PTGFRN: variants seen among roughly 807,000 people sequenced by gnomAD.
PTGFRN encodes the protein prostaglandin F2 receptor inhibitor, also known as prostaglandin F2 receptor negative regulator.
Under a neutral mutation model 83.2 loss-of-function variants are expected in PTGFRN, and 35 were observed. That is an observed-to-expected ratio of 0.42 (90% confidence interval 0.32 to 0.56). The LOEUF is 0.56. PTGFRN is among the 20% of genes least tolerant of loss of function. The pLI is 0.11. For missense variants in PTGFRN, 1,051 were observed against 1,179.5 expected, an observed-to-expected ratio of 0.89 and a Z score of 1.60; for synonymous variants, 519 against 498.6, an observed-to-expected ratio of 1.04 and a Z score of -0.55.
At chr1:116,924,943 G>A (rs982182772) in intron 1 of PTGFRN, among the ~76,000 whole-genome samples, 9 of 152,150 alleles carry the variant, frequency 5.9e-5, no homozygotes, top group Admixed American at 2.6e-4. Context: ...CCAGGTGATC[G>A]TGGTGGCAAG....
In PTGFRN at chr1:116,910,109, G is replaced by A. The variant is rs1470992064; in HGVS notation, c.-95G>A. 2.2e-6 allele frequency: 3 copies of A among 1,368,548 alleles called. No individual in the cohort carries two copies. Among genetic ancestry groups the A allele is most frequent in the South Asian group, 2.5e-5 (2 of 80,364 alleles). 84.8% of individuals were successfully genotyped at this position (1,368,548 alleles called of 1,614,324 possible). ...GCAGGCGCGCGGCCCAGGCGGAGGAGCGCCGACTCTGGAGCAGCCGGAGCT... is the reference window on the plus strand; with the variant it reads ...GCAGGCGCGCGGCCCAGGCGGAGGAACGCCGACTCTGGAGCAGCCGGAGCT... On this transcript the variant is annotated 5_prime_UTR_variant, in exon 1 of 9. Coordinates refer to ENST00000393203, the MANE Select transcript of PTGFRN (RefSeq NM_020440.4).
Position 116,949,385 on chromosome 1 carries a change from C to G in PTGFRN, c.1026C>G (p.Ser342Arg). The G allele has an allele frequency of 6.2e-6, 10 of 1,614,250 alleles. No individual in the cohort carries two copies. Among genetic ancestry groups the G allele is most frequent in the Non-Finnish European group, 8.5e-6 (10 of 1,180,040 alleles). ...TTGACCGTGATTCCCTGGTGCACAG[C>G]TCGCCTCATGTTGCTTTGAGTCATG... ...ARLDRDSLVH[S>R]SPHVALSHVD... Residue 342 changes from serine (S) to arginine (R), a missense_variant, in exon 4 of 9, where the codon AGC becomes AGG. This residue lies in a region of PTGFRN where 719 missense variants were observed against 836.6 expected (regional missense o/e 0.86). Transcript: ENST00000393203.
chr1:116,978,519 A>C (rs1651223030), intron 7 of PTGFRN, among the ~76,000 whole-genome samples: 4 of 151,712 alleles, frequency 2.6e-5, no homozygotes, highest in Admixed American at 2.6e-4. Flanking sequence ...AAAGGCTTAT[A>C]CACCATGATC....
Position 116,959,308 on chromosome 1 carries a change from C to T in PTGFRN, c.1214-1935C>T, listed in dbSNP as rs548945800. ...TGGATTCCTCTCTAGCCCTGGCAGT[C>T]CCACAGCCTGTGGATTTCTCTATGG... On this transcript the variant is annotated intron_variant, in intron 4 of 8. Coordinates refer to ENST00000393203, the MANE Select transcript of PTGFRN (RefSeq NM_020440.4). 2.0e-5 allele frequency among the ~76,000 whole-genome samples: 3 copies of T among 152,266 alleles called. No individual in the cohort carries two copies. The South Asian group carries it at 6.2e-4, about 32-fold the overall frequency.
chr1:116,930,348 CT>C (rs1379718975), intron 1 of PTGFRN, among the ~76,000 whole-genome samples: 9 of 152,132 alleles, frequency 5.9e-5, no homozygotes, highest in African/African-American at 2.2e-4. Context: ...TAGGACTTTG[CT>C]GTGGTTTTGT....
chr1:116,943,271 A>T (rs1013466702), intron 2 of PTGFRN, among the ~76,000 whole-genome samples: 16 of 152,194 alleles, frequency 1.1e-4, no homozygotes, highest in Non-Finnish European at 2.2e-4. Flanking sequence ...TCCTATAGAA[A>T]ATTCAGAACA....
At chr1:116,914,230 A>G (rs1649343094) in intron 1 of PTGFRN, among the ~76,000 whole-genome samples, 1 of 152,176 alleles carries the variant, frequency 6.6e-6, no homozygotes, top group East Asian at 1.9e-4. Context: ...GCCCCTACAA[A>G]GGAGGAAAGA....
chr1:116,945,653 G>A (rs1435318951), intron 3 of PTGFRN, among the ~76,000 whole-genome samples: 1 of 151,882 alleles, frequency 6.6e-6, no homozygotes, highest in Admixed American at 6.6e-5. Flanking sequence ...GGGCAGGGCC[G>A]CTTCTTGCTT....
chr1:116,986,998 G>A lies in PTGFRN; in HGVS notation c.*31G>A, dbSNP rs201831823. On this transcript the variant is annotated 3_prime_UTR_variant, in exon 9 of 9. Transcript: ENST00000393203. ...CCCGGGAGGGGAGTGACAGAGGGAC[G>A]TTCTAGGAGCAATTGGGGCAAGAAG... is the stretch of plus-strand genomic sequence containing the variant. The A allele has an allele frequency of 1.1e-5, 18 of 1,612,574 alleles. No individual in the cohort carries two copies. Among genetic ancestry groups the A allele is most frequent in the East Asian group, 2.2e-5 (1 of 44,864 alleles).
chr1:116,976,253 T>C (rs1199678258), intron 7 of PTGFRN, among the ~76,000 whole-genome samples: 4 of 152,200 alleles, frequency 2.6e-5, no homozygotes, highest in Non-Finnish European at 5.9e-5. Context: ...CTGATTGGTG[T>C]ACCTGAAAGT....
chr1:116,965,324 A>G (rs1289448402), intron 5 of PTGFRN, among the ~76,000 whole-genome samples: 1 of 151,914 alleles, frequency 6.6e-6, no homozygotes, highest in Non-Finnish European at 1.5e-5. Context: ...TTGCTCTCTC[A>G]CCCAGGCTCT....
intron 1 of PTGFRN, among the ~76,000 whole-genome samples, chr1:116,924,741 T>A (rs1649613888): frequency 3.3e-5 from 5 of 152,230 alleles, no homozygotes. Flanking sequence ...TTTCTGAAAT[T>A]AATGAGATTA....
At chr1:116,937,171 A>AGGAAATGTGCAAGGG (rs764219839) in intron 1 of PTGFRN, among the ~76,000 whole-genome samples, 39 of 151,856 alleles carry the variant, frequency 2.6e-4, no homozygotes, top group Non-Finnish European at 5.3e-4. Context: ...AGTAGGTGAA[A>AGGAAATGTGCAAGGG]CCTTGGGAGC....
intron 1 of PTGFRN, among the ~76,000 whole-genome samples, chr1:116,939,883 G>A (rs955688287): frequency 1.3e-5 from 2 of 152,132 alleles, no homozygotes; most frequent in African/African-American, 4.8e-5. Context: ...GGTCTCTAGG[G>A]CAGGGGCAAA....
At position 116,918,267 on chromosome 1, in the gene PTGFRN, C is replaced by T. The variant is rs990762090; in HGVS notation, c.49+8015C>T. On this transcript the variant is annotated intron_variant, in intron 1 of 8. Coordinates refer to ENST00000393203, the MANE Select transcript of PTGFRN (RefSeq NM_020440.4). This position sits in a 1 kb window ranked among gnomAD's most constrained non-coding sequence, Gnocchi z 4.1. ...CTTTCATTTGAATCCTGTCTTCCCT[C>T]AGTGTGAACCTTGGACAGGTTTTCT... 2.0e-5 allele frequency among the ~76,000 whole-genome samples: 3 copies of T among 152,218 alleles called. No homozygotes were observed. The highest frequency in any genetic ancestry group is 6.5e-5 in the Admixed American group (1 of 15,284).
chr1:116,948,350 A>C (rs1441891680), intron 3 of PTGFRN, among the ~76,000 whole-genome samples: 1 of 152,222 alleles, frequency 6.6e-6, no homozygotes, highest in African/African-American at 2.4e-5. Flanking sequence ...TCAGTGCTTC[A>C]TCTAAATATA....
At chr1:116,946,690 T>C (rs1176236203) in intron 3 of PTGFRN, among the ~76,000 whole-genome samples, 1 of 152,228 alleles carries the variant, frequency 6.6e-6, no homozygotes, top group Non-Finnish European at 1.5e-5. Context: ...ATGAGACTTT[T>C]CGACAGCCTT....
At chr1:116,935,686 T>A (rs1387203535) in intron 1 of PTGFRN, among the ~76,000 whole-genome samples, 1 of 152,202 alleles carries the variant, frequency 6.6e-6, no homozygotes, top group African/African-American at 2.4e-5. Context: ...AAAGTGCCCT[T>A]ATTTTGTCTT....
intron 1 of PTGFRN, among the ~76,000 whole-genome samples, chr1:116,935,018 C>T (rs907869319): frequency 4.6e-5 from 7 of 152,150 alleles, no homozygotes; most frequent in South Asian, 2.1e-4. Flanking sequence ...TTTGTTTCCC[C>T]GTATTGTGAA....
Sources: gnomAD v4.1 joint callset for allele counts (sites outside exome capture counted in the v4.1 genomes callset) on GRCh38, gnomAD v4.1.1 for gene constraint, gnomAD v4.1.1 regional missense constraint, Gnocchi (gnomAD v3.1) non-coding constraint, MANE v1.5 for transcripts, NCBI Gene and HGNC (gene_info 2026-07-23, HGNC 2026-07-21) for gene names.